The following TEF variants were observed in gnomAD, a reference collection of about 807,000 sequenced individuals.
TEF encodes thyrotroph embryonic factor.
Under a neutral mutation model 20.8 loss-of-function variants are expected in TEF, and 3 were observed. The observed-to-expected ratio is 0.14, with a 90% CI of 0.07 to 0.37. The LOEUF (loss-of-function observed/expected upper bound fraction) is 0.37, where lower values mean the gene tolerates loss of function less well. TEF is among the 10% of genes least tolerant of loss of function. The pLI, the probability that TEF is intolerant of heterozygous loss-of-function variation, is 1.00. For missense variants in TEF, 296 were observed against 397.9 expected (o/e 0.74, Z 2.18); for synonymous variants, 180 against 171.1 (o/e 1.05, Z -0.41).
chr22:41,372,818 TGAGGCCTG>T (rs751711304), intron 1 of TEF, among the ~76,000 whole-genome samples: 106 of 152,036 alleles, frequency 7.0e-4, no homozygotes, highest in Non-Finnish European at 1.0e-3. Context: ...GCATTTGAAC[TGAGGCCTG>T]GAGGCCTGGA....
upstream of TEF, among the ~76,000 whole-genome samples, chr22:41,380,571 G>A (rs543636374): frequency 6.6e-6 from 1 of 152,268 alleles, no homozygotes; most frequent in African/African-American, 2.4e-5. Context: ...AACCCCTCCT[G>A]CTAGAAGGGC....
chr22:41,386,850 C>T (rs1460515964), intron 1 of TEF, among the ~76,000 whole-genome samples: 1 of 151,930 alleles, frequency 6.6e-6, no homozygotes, highest in Non-Finnish European at 1.5e-5. Context: ...TCGAGACCAG[C>T]CTGGCCAACA....
Position 41,398,347 on chromosome 22 carries a change from C to G in TEF, c.*2387C>G, listed in dbSNP as rs772123922. ...CTTGGAGGCCGACCGCTGGAGACTG[C>G]GGCTCCTGTGCTTGGATCTTTGACA... On this transcript the variant is annotated 3_prime_UTR_variant, in exon 4 of 4. Coordinates refer to ENST00000266304, the MANE Select transcript of TEF (RefSeq NM_003216.4). 4 of 153,702 alleles carry G rather than the reference C, an allele frequency of 2.6e-5. No individual in the cohort carries two copies. The highest frequency in any genetic ancestry group is 9.7e-5 in the African/African-American group (4 of 41,418). 9.5% of individuals were successfully genotyped at this position (153,702 alleles called of 1,614,324 possible). A position where few individuals can be genotyped will look rare whatever the true frequency, so the allele number is the denominator to read the frequency against.
Position 41,396,848 on chromosome 22 carries a change from A to G in TEF, c.*888A>G. The G allele has an allele frequency of 2.5e-6, 1 of 398,054 alleles. No individual in the cohort carries two copies. The highest frequency in any genetic ancestry group is 4.4e-6 in the Non-Finnish European group (1 of 225,960). 24.7% of individuals were successfully genotyped at this position (398,054 alleles called of 1,614,324 possible). A position where few individuals can be genotyped will look rare whatever the true frequency, so the allele number is the denominator to read the frequency against. ...GTCTTGGATCATAGATTTAAAAGGA[A>G]AACCCCTCTTATCTAGGAGGCTTTA... On this transcript the variant is annotated 3_prime_UTR_variant, in exon 4 of 4. Coordinates refer to ENST00000266304, the MANE Select transcript of TEF (RefSeq NM_003216.4).
intron 3 of TEF, among the ~76,000 whole-genome samples, chr22:41,394,522 C>A (rs2037205410): frequency 6.6e-6 from 1 of 152,188 alleles, no homozygotes; most frequent in African/African-American, 2.4e-5. Flanking sequence ...AGTGTGACTC[C>A]CTGTAGTTTC....
intron 2 of TEF, among the ~76,000 whole-genome samples, chr22:41,390,671 G>A (rs2037153997): frequency 1.3e-5 from 2 of 151,650 alleles, no homozygotes; most frequent in Non-Finnish European, 2.9e-5. Flanking sequence ...GCTAATTTTT[G>A]TATTTTCAGT....
upstream of TEF, among the ~76,000 whole-genome samples, chr22:41,378,624 G>A (rs2036977195): frequency 1.3e-5 from 2 of 152,132 alleles, no homozygotes; most frequent in East Asian, 1.9e-4. Context: ...GATTACAGGC[G>A]TGAGCCACTG....
intron 1 of TEF, among the ~76,000 whole-genome samples, chr22:41,372,205 G>A (rs1257975675): frequency 6.6e-6 from 1 of 152,064 alleles, no homozygotes; most frequent in African/African-American, 2.4e-5. Flanking sequence ...CTACCCTCAG[G>A]GCCAGTCTCT....
At chr22:41,389,260 G>C (rs2037136507) in intron 2 of TEF, among the ~76,000 whole-genome samples, 1 of 152,082 alleles carries the variant, frequency 6.6e-6, no homozygotes, top group African/African-American at 2.4e-5. Flanking sequence ...AATTAGCCGG[G>C]TGTGGTGGCG....
At chr22:41,368,390 G>A (rs754965949) in intron 1 of TEF, among the ~76,000 whole-genome samples, 1 of 152,032 alleles carries the variant, frequency 6.6e-6, no homozygotes, top group Non-Finnish European at 1.5e-5. Context: ...GAGCACCTGG[G>A]GTGTCCTCTC....
Position 41,397,044 on chromosome 22 carries a change from G to A in TEF, c.*1084G>A, listed in dbSNP as rs79136927. On this transcript the variant is annotated 3_prime_UTR_variant, in exon 4 of 4. Coordinates refer to ENST00000266304, the MANE Select transcript of TEF (RefSeq NM_003216.4). ...GAGTGCACTCTCCCTGGGGGCAGCT[G>A]GGGCCTCGCAATTCTTGCTTCAGGA... The A allele has an allele frequency of 0.017, 6,768 of 398,828 alleles. 371 individuals carry two copies. The highest frequency in any genetic ancestry group is 0.12 in the African/African-American group (5,941 of 48,700). 24.7% of individuals were successfully genotyped at this position (398,828 alleles called of 1,614,324 possible). A position where few individuals can be genotyped will look rare whatever the true frequency, so the allele number is the denominator to read the frequency against.
upstream of TEF, among the ~76,000 whole-genome samples, chr22:41,380,533 C>A (rs576319327): frequency 6.6e-6 from 1 of 152,274 alleles, no homozygotes; most frequent in Admixed American, 6.5e-5. Context: ...ACCCCCTGAA[C>A]CAAGGACTAT....
chr22:41,387,207 G>A, intron 1 of TEF, 144 bp from the exon 2 acceptor site: 1 of 896,862 alleles, frequency 1.1e-6, no homozygotes, highest in Non-Finnish European at 1.7e-6. Context: ...GATTCGAACT[G>A]GAGAATAGAG....
Position 41,396,365 on chromosome 22 carries a change from A to C in TEF, c.*405A>C. ...AATGAGTTGTGATCATTGTCACCCT[A>C]TGTCTTCTCAGGTAGCAGGGCGCGT... On this transcript the variant is annotated 3_prime_UTR_variant, in exon 4 of 4. Coordinates refer to ENST00000266304, the MANE Select transcript of TEF (RefSeq NM_003216.4). The C allele has an allele frequency of 5.4e-6, 1 of 184,554 alleles. No individual in the cohort carries two copies. Among genetic ancestry groups the C allele is most frequent in the Non-Finnish European group, 1.1e-5 (1 of 87,546 alleles). The allele number at this position is 184,554 out of a possible 1,614,324, so 11.4% of individuals were successfully genotyped here. A position where few individuals can be genotyped will look rare whatever the true frequency, so the allele number is the denominator to read the frequency against.
At chr22:41,389,685 G>T (rs2037143295) in intron 2 of TEF, among the ~76,000 whole-genome samples, 1 of 151,242 alleles carries the variant, frequency 6.6e-6, no homozygotes, top group Non-Finnish European at 1.5e-5. Context: ...TGCCCTGGCT[G>T]GTTTCAAATT....
intron 1 of TEF, chr22:41,370,200 T>C (rs375126787): frequency 5.9e-6 from 4 of 675,594 alleles, no homozygotes; most frequent in East Asian, 2.7e-4. Context: ...CTGCAACCTC[T>C]GCCTCCTGGG....
chr22:41,383,412 T>G (rs916664856), intron 1 of TEF, among the ~76,000 whole-genome samples: 9 of 152,208 alleles, frequency 5.9e-5, no homozygotes, highest in African/African-American at 2.2e-4. Context: ...TCTGACAGTT[T>G]CTTGTTTGAA....
intron 2 of TEF, among the ~76,000 whole-genome samples, chr22:41,392,232 T>C (rs1420537333): frequency 6.6e-6 from 1 of 152,194 alleles, no homozygotes; most frequent in African/African-American, 2.4e-5. Context: ...CACTATTAAA[T>C]GGCAGCCAGG....
chr22:41,380,637 T>C (rs922033660), upstream of TEF, among the ~76,000 whole-genome samples: 2 of 152,312 alleles, frequency 1.3e-5, no homozygotes, highest in South Asian at 4.1e-4. Context: ...TTCCGGGAGT[T>C]AAGCGGGGAG....
Sources: allele counts gnomAD v4.1 joint callset (sites outside exome capture counted in the v4.1 genomes callset), GRCh38; gene constraint gnomAD v4.1.1; transcripts MANE v1.5; gene names NCBI Gene and HGNC (gene_info 2026-07-23, HGNC 2026-07-21).